The following GPC5 variants were observed in gnomAD, a reference collection of about 807,000 sequenced individuals.
GPC5 encodes the protein glypican 5, also known as glypican-5.
A neutral mutation model predicts 53.9 loss-of-function variants in GPC5; 47 were observed. The ratio of observed to expected loss-of-function variants is 0.87; its 90% CI spans 0.69 to 1.11. GPC5 has a LOEUF of 1.11. GPC5 is among the 50% of genes most tolerant of loss of function. The pLI is 0.00. For synonymous variants in GPC5, 286 were observed against 263.3 expected, an observed-to-expected ratio of 1.09 and a Z score of -0.84; for missense variants, 748 against 713.1, an observed-to-expected ratio of 1.05 and a Z score of -0.56.
At chr13:91,672,270 G>A (rs1314719336) in intron 2 of GPC5, among the ~76,000 whole-genome samples, 1 of 152,152 alleles carries the variant, frequency 6.6e-6, no homozygotes, top group African/African-American at 2.4e-5. Context: ...CTTCTGCATA[G>A]CAAAAGAAAC....
chr13:92,779,448 C>A (rs372166974), intron 7 of GPC5, among the ~76,000 whole-genome samples: 1 of 150,078 alleles, frequency 6.7e-6, no homozygotes, highest in Non-Finnish European at 1.5e-5. Flanking sequence ...GTACTACCTG[C>A]GAAAAAAAAA....
chr13:92,558,814 T>A (rs1882592352), intron 7 of GPC5, among the ~76,000 whole-genome samples: 1 of 151,946 alleles, frequency 6.6e-6, no homozygotes, highest in Non-Finnish European at 1.5e-5. Flanking sequence ...TGAATAAATA[T>A]TGATATCTTC....
At chr13:92,522,071 C>T (rs1179625054) in intron 7 of GPC5, among the ~76,000 whole-genome samples, 1 of 152,112 alleles carries the variant, frequency 6.6e-6, no homozygotes, top group African/African-American at 2.4e-5. Flanking sequence ...CAATGAGATA[C>T]CATCTCACAC....
At chr13:92,613,613 ATTAT>A (rs1884571919) in intron 7 of GPC5, among the ~76,000 whole-genome samples, 2 of 94,000 alleles carry the variant, frequency 2.1e-5, no homozygotes, top group Admixed American at 1.2e-4. Flanking sequence ...TATTTATTTT[ATTAT>A]TTTATTTATT....
chr13:92,303,637 C>A (rs2043090364), intron 7 of GPC5, among the ~76,000 whole-genome samples: 1 of 152,146 alleles, frequency 6.6e-6, no homozygotes, highest in Non-Finnish European at 1.5e-5. Context: ...GGATTCAGTA[C>A]TGACCAAGCA....
At chr13:91,856,520 CTT>C (rs947307176) in intron 5 of GPC5, among the ~76,000 whole-genome samples, 4 of 150,836 alleles carry the variant, frequency 2.7e-5, no homozygotes, top group African/African-American at 9.7e-5. Flanking sequence ...AGTAGTAACT[CTT>C]TGTGGTTTTA....
intron 5 of GPC5, among the ~76,000 whole-genome samples, chr13:91,887,978 T>G (rs2039343602): frequency 6.6e-6 from 1 of 152,240 alleles, no homozygotes; most frequent in African/African-American, 2.4e-5. Context: ...GCCACATTTT[T>G]GGGTATGTTA....
intron 7 of GPC5, among the ~76,000 whole-genome samples, chr13:92,503,366 C>T: frequency 6.6e-6 from 1 of 151,490 alleles, no homozygotes; most frequent in East Asian, 1.9e-4. Flanking sequence ...GAAAATTCAG[C>T]AAATCAAATT....
intron 7 of GPC5, among the ~76,000 whole-genome samples, chr13:92,726,328 G>T (rs1888646464): frequency 6.6e-6 from 1 of 151,430 alleles, no homozygotes; most frequent in Non-Finnish European, 1.5e-5. Flanking sequence ...GTTTATATTT[G>T]CTCTTAAATC....
intron 1 of GPC5, among the ~76,000 whole-genome samples, chr13:91,439,091 C>A (rs942805849): frequency 6.6e-6 from 1 of 151,638 alleles, no homozygotes; most frequent in Non-Finnish European, 1.5e-5. Context: ...GGCTCAAGAG[C>A]CTTCCCAGGC....
At chr13:91,447,052 G>A (rs1412807754) in intron 1 of GPC5, among the ~76,000 whole-genome samples, 1 of 152,158 alleles carries the variant, frequency 6.6e-6, no homozygotes, top group East Asian at 1.9e-4. Context: ...AGACTGGAGA[G>A]GGAGGGAGGA....
intron 5 of GPC5, among the ~76,000 whole-genome samples, chr13:91,866,839 T>G (rs1020970776): frequency 4.6e-5 from 7 of 152,342 alleles, no homozygotes; most frequent in African/African-American, 1.7e-4. Context: ...GCATGTGACT[T>G]TAAATGTGCT....
chr13:91,623,261 G>T (rs143126923), intron 2 of GPC5, among the ~76,000 whole-genome samples: 129 of 152,222 alleles, frequency 8.5e-4, no homozygotes, highest in African/African-American at 3.1e-3. Flanking sequence ...CAAAATATGC[G>T]AGTTGTGTAG....
chr13:91,828,610 T>A (rs903489598), intron 5 of GPC5, among the ~76,000 whole-genome samples: 114 of 152,006 alleles, frequency 7.5e-4, no homozygotes, highest in African/African-American at 2.3e-3. Flanking sequence ...GCCTAGAATA[T>A]TTTTTTCCAG....
chr13:91,694,695 T>A (rs1026828497), intron 3 of GPC5, among the ~76,000 whole-genome samples: 8 of 152,210 alleles, frequency 5.3e-5, no homozygotes, highest in Non-Finnish European at 2.9e-5. Context: ...AATAAAATTA[T>A]ACTCTCCAGT....
At chr13:92,422,531 CAA>C (rs199710340) in intron 7 of GPC5, among the ~76,000 whole-genome samples, 6,695 of 134,718 alleles carry the variant, frequency 0.05, 486 homozygotes, top group African/African-American at 0.17. Context: ...CACACACACA[CAA>C]CTTCTTGGAA....
intron 6 of GPC5, among the ~76,000 whole-genome samples, chr13:92,064,148 G>A (rs930634547): frequency 1.3e-5 from 2 of 152,140 alleles, no homozygotes; most frequent in Non-Finnish European, 2.9e-5. Context: ...TACTTCAGCA[G>A]TGCTAGAGTA....
Position 91,728,551 on chromosome 13 carries a change from G to A in GPC5, c.1040G>A (p.Arg347His), listed in dbSNP as rs372530892. 186 of 1,609,708 alleles carry A rather than the reference G, an allele frequency of 1.2e-4. No homozygotes were observed. The highest frequency in any genetic ancestry group is 5.4e-4 in the South Asian group (49 of 90,558). ...TAAAAGGTAAATAGGATTTGTGGCC[G>A]CCCTGTAAGAACACCCACACAAAGC... ...LLEQVNRICG[R>H]PVRTPTQSPR... Residue 347 changes from arginine to histidine, a missense_variant, in exon 4 of 8, where the codon CGC becomes CAC. Arg to His is a conservative substitution (Grantham distance 29, BLOSUM62 0). Coordinates refer to ENST00000377067, the MANE Select transcript of GPC5 (RefSeq NM_004466.6).
At chr13:91,513,352 ATTTG>A (rs1566465862) in intron 2 of GPC5, among the ~76,000 whole-genome samples, 1 of 134,642 alleles carries the variant, frequency 7.4e-6, no homozygotes, top group African/African-American at 3.2e-5. Context: ...ACTTGTTTTC[ATTTG>A]TGTGTGTGTG....
Sources: gnomAD v4.1 joint callset for allele counts (sites outside exome capture counted in the v4.1 genomes callset) on GRCh38, gnomAD v4.1.1 for gene constraint, MANE v1.5 for transcripts, NCBI Gene and HGNC (gene_info 2026-07-23, HGNC 2026-07-21) for gene names.